Variants in PIK3C2G observed in about 807,000 individuals in gnomAD.
PIK3C2G encodes the protein phosphatidylinositol-4-phosphate 3-kinase catalytic subunit type 2 gamma.
Under a neutral mutation model 181.1 loss-of-function variants are expected in PIK3C2G, and 168 were observed. That is an observed-to-expected ratio of 0.93 (90% CI 0.82 to 1.05). The LOEUF is 1.05. Among genes scored for constraint, PIK3C2G ranks in the 50% least tolerant of loss-of-function variants. The pLI is 0.00. For missense variants in PIK3C2G, 1,869 were observed against 1,732.8 expected (o/e 1.08, Z -1.40); for synonymous variants, 573 against 592.2 (o/e 0.97, Z 0.47).
At chr12:18,363,709 C>T (rs1003428103) in intron 12 of PIK3C2G, among the ~76,000 whole-genome samples, 20 of 152,018 alleles carry the variant, frequency 1.3e-4, no homozygotes, top group Non-Finnish European at 1.9e-4. Context: ...GTTTGACTCC[C>T]GGTATGATGC....
chr12:18,431,003 C>T (rs1222851453), intron 18 of PIK3C2G, among the ~76,000 whole-genome samples: 1 of 151,806 alleles, frequency 6.6e-6, no homozygotes, highest in Non-Finnish European at 1.5e-5. Flanking sequence ...GGGGCAAGTT[C>T]TCAAGTCACA....
At chr12:18,700,072 C>G in the PIK3C2G span, 1 of 806,546 alleles carries the variant, frequency 1.2e-6, no homozygotes, top group Non-Finnish European at 2.0e-6. Flanking sequence ...ATTATCTCCT[C>G]AAACACCATT....
intron 17 of PIK3C2G, among the ~76,000 whole-genome samples, chr12:18,423,420 C>A (rs73066601): frequency 1.9e-3 from 283 of 152,056 alleles, no homozygotes; most frequent in Non-Finnish European, 2.8e-3. Context: ...GTTGAGTATC[C>A]TAAAAAACTT....
chr12:18,446,836 T>C (rs1422788001), intron 18 of PIK3C2G, among the ~76,000 whole-genome samples: 1 of 152,188 alleles, frequency 6.6e-6, no homozygotes, highest in East Asian at 1.9e-4. Context: ...TCTGTATATA[T>C]ACAGTCTACT....
At chr12:18,705,060 C>G in the PIK3C2G span, 1 of 1,395,888 alleles carries the variant, frequency 7.2e-7, no homozygotes, top group South Asian at 1.2e-5. Context: ...GTGATCAAAA[C>G]TAAGCATTTT....
intron 6 of PIK3C2G, among the ~76,000 whole-genome samples, chr12:18,316,902 G>C (rs1439206545): frequency 1.3e-5 from 2 of 152,024 alleles, no homozygotes; most frequent in African/African-American, 4.8e-5. Context: ...TCAGCCCTCA[G>C]GGATTCAGGG....
chr12:18,522,186 A>T (rs78182542), intron 24 of PIK3C2G, among the ~76,000 whole-genome samples: 1 of 152,208 alleles, frequency 6.6e-6, no homozygotes, highest in Non-Finnish European at 1.5e-5. Flanking sequence ...CTAGTTGGCC[A>T]TCTTGGCCCT....
chr12:18,459,022 T>C (rs527490471), intron 18 of PIK3C2G, among the ~76,000 whole-genome samples: 1 of 152,116 alleles, frequency 6.6e-6, no homozygotes, highest in East Asian at 1.9e-4. Context: ...ATACCCTGAG[T>C]AGAGCACCAG....
intron 18 of PIK3C2G, among the ~76,000 whole-genome samples, chr12:18,462,697 T>C (rs962234799): frequency 6.6e-6 from 1 of 152,180 alleles, no homozygotes; most frequent in Non-Finnish European, 1.5e-5. Context: ...AGAGAGGAAG[T>C]TTTAAATGTG....
chr12:18,531,775 T>A, intron 24 of PIK3C2G, among the ~76,000 whole-genome samples: 1 of 152,204 alleles, frequency 6.6e-6, no homozygotes, highest in East Asian at 1.9e-4. Flanking sequence ...GTTTAACCAT[T>A]CACCCATTGA....
At chr12:18,525,670 T>A (rs994327653) in intron 24 of PIK3C2G, among the ~76,000 whole-genome samples, 1 of 152,164 alleles carries the variant, frequency 6.6e-6, no homozygotes, top group African/African-American at 2.4e-5. Flanking sequence ...AAATCACCCA[T>A]AATGGGAGTA....
In PIK3C2G at chr12:18,615,609, C is replaced by G. The variant is rs771248164; in HGVS notation, c.4182+5980C>G. 7.9e-5 allele frequency among the ~76,000 whole-genome samples: 12 copies of G among 151,880 alleles called. 1 individual carries two copies. The highest frequency in any genetic ancestry group is 1.8e-4 in the Non-Finnish European group (12 of 67,958). On this transcript the variant is annotated intron_variant, in intron 31 of 32. Transcript: ENST00000538779. ...GTGCCCAGTAGTGAGATTGCTGGATCAAATGGTAGCTCTACTTTTTTTCTA... is the reference window on the plus strand; with the variant it reads ...GTGCCCAGTAGTGAGATTGCTGGATGAAATGGTAGCTCTACTTTTTTTCTA...
intron 24 of PIK3C2G, among the ~76,000 whole-genome samples, chr12:18,509,623 C>T (rs893019837): frequency 1.3e-5 from 2 of 152,194 alleles, no homozygotes; most frequent in Non-Finnish European, 2.9e-5. Flanking sequence ...TGTCCCTGAA[C>T]AATTCCTCTG....
At chr12:18,653,259 C>T (rs1248464125), downstream of PIK3C2G, among the ~76,000 whole-genome samples, 5 of 152,120 alleles carry the variant, frequency 3.3e-5, no homozygotes, top group African/African-American at 1.2e-4. Flanking sequence ...TCATTAGTCA[C>T]ATATTACCCA....
At chr12:18,720,950 C>T in the PIK3C2G span, among the ~76,000 whole-genome samples, 1 of 151,966 alleles carries the variant, frequency 6.6e-6, no homozygotes, top group Non-Finnish European at 1.5e-5. Context: ...AATGCTATTA[C>T]TATTTTGGTT....
chr12:18,633,119 T>C (rs667768), intron 31 of PIK3C2G, among the ~76,000 whole-genome samples: 82,654 of 151,948 alleles, frequency 0.54, 23,944 homozygotes, highest in Admixed American at 0.64. Context: ...GCTAACGCCA[T>C]CCTCAGAAAG....
the PIK3C2G span, among the ~76,000 whole-genome samples, chr12:18,710,008 T>A: frequency 7.2e-3 from 1,094 of 151,996 alleles, 11 homozygotes; most frequent in African/African-American, 0.025. Flanking sequence ...GATTTTGTGT[T>A]CTGCAACTTT....
chr12:18,408,085 C>T (rs1288399077), intron 16 of PIK3C2G, among the ~76,000 whole-genome samples: 1 of 152,116 alleles, frequency 6.6e-6, no homozygotes, highest in Non-Finnish European at 1.5e-5. Context: ...CTGAGTGAAG[C>T]ATAGATTTGG....
At chr12:18,716,798 G>A in the PIK3C2G span, among the ~76,000 whole-genome samples, 42 of 152,222 alleles carry the variant, frequency 2.8e-4, no homozygotes, top group African/African-American at 9.1e-4. Context: ...TATTTAGATT[G>A]TGTAATGTTA....
Sources: gnomAD v4.1 joint callset for allele counts (sites outside exome capture counted in the v4.1 genomes callset) on GRCh38, gnomAD v4.1.1 for gene constraint, MANE v1.5 for transcripts, NCBI Gene and HGNC (gene_info 2026-07-23, HGNC 2026-07-21) for gene names.